ACO2: variants seen among roughly 807,000 people sequenced by gnomAD.
The protein encoded by ACO2 is aconitate hydratase, mitochondrial.
A neutral mutation model predicts 84.5 loss-of-function variants in ACO2; 31 were observed. The ratio of observed to expected loss-of-function variants is 0.37; its 90% CI spans 0.28 to 0.50. ACO2 has a LOEUF of 0.50. ACO2 is among the 20% of genes least tolerant of loss of function. The pLI is 0.97. For missense variants in ACO2, 685 were observed against 1,029.3 expected, an observed-to-expected ratio of 0.67 and a Z score of 4.58; for synonymous variants, 414 against 412.7, an observed-to-expected ratio of 1.00 and a Z score of -0.04.
intron 1 of ACO2, among the ~76,000 whole-genome samples, chr22:41,492,568 G>C (rs1270901159): frequency 6.6e-6 from 1 of 152,284 alleles, no homozygotes; most frequent in South Asian, 2.1e-4. Context: ...GAGTTTGGGA[G>C]TTAAAGACCA....
At position 41,523,213 on chromosome 22, in the gene ACO2, C is replaced by A. The variant is rs745392648; in HGVS notation, c.1305C>A (p.Ile435=). The A allele has an allele frequency of 1.4e-5, 23 of 1,612,898 alleles. No individual in the cohort carries two copies. The highest frequency in any genetic ancestry group is 2.0e-5 in the Non-Finnish European group (23 of 1,179,286). The change falls in exon 11 of 18, where the codon ATC becomes ATA. Residue 435 remains isoleucine, a synonymous_variant. Coordinates refer to ENST00000216254, the MANE Select transcript of ACO2 (RefSeq NM_001098.3). ...ATIERDGYAQ[I]LRDLGGIVLA... is the part of the protein sequence containing the mutation. ...TCCTCTCTCCCTGGCAGGCACAGAT[C>A]TTGAGGGATCTGGGTGGCATTGTCC... is the stretch of plus-strand genomic sequence containing the variant.
intron 1 of ACO2, among the ~76,000 whole-genome samples, chr22:41,474,626 TCTCA>T (rs2037988589): frequency 1.2e-5 from 1 of 84,574 alleles, no homozygotes; most frequent in East Asian, 3.8e-4. Context: ...TGAGACGGAG[TCTCA>T]CTCTGTCACC....
In ACO2 at chr22:41,494,411, C is replaced by CTT. The variant is rs879644372; in HGVS notation, c.37-5299_37-5298dup. ...TTTACCCATAAGTTGTATTCTGTAT[C>CTT]TTTTTTTTTTTTTTTTTGAGTCAGA... On this transcript the variant is annotated intron_variant, in intron 1 of 17. Coordinates refer to ENST00000216254, the MANE Select transcript of ACO2 (RefSeq NM_001098.3). Among the ~76,000 whole-genome samples the CTT allele has an allele frequency of 1.6e-3, 222 of 139,088 alleles. 1 individual carries two copies. The highest frequency in any genetic ancestry group is 3.7e-3 in the Middle Eastern group (1 of 268). 91.2% of individuals were successfully genotyped at this position (139,088 alleles called of 152,430 possible).
At chr22:41,483,655 T>C (rs2038116151) in intron 1 of ACO2, among the ~76,000 whole-genome samples, 1 of 150,202 alleles carries the variant, frequency 6.7e-6, no homozygotes, top group Non-Finnish European at 1.5e-5. Context: ...AGACTCCGTC[T>C]TAAAAAAAAA....
chr22:41,505,924 G>A (rs1338080822), intron 2 of ACO2, among the ~76,000 whole-genome samples: 1 of 152,152 alleles, frequency 6.6e-6, no homozygotes, highest in Non-Finnish European at 1.5e-5. Flanking sequence ...TCTGTTTAAA[G>A]CTGTTTAAAA....
Position 41,528,627 on chromosome 22 carries a change from C to G in ACO2, c.*14C>G. ...CTGCAACAGTGAGGGCAGTGCCTCC[C>G]CGCCCCGCCGCTGGCGTCAAGTTCA... On this transcript the variant is annotated 3_prime_UTR_variant, in exon 18 of 18. Coordinates refer to ENST00000216254, the MANE Select transcript of ACO2 (RefSeq NM_001098.3). 2 of 1,552,470 alleles carry G rather than the reference C, an allele frequency of 1.3e-6. No homozygotes were observed. The highest frequency in any genetic ancestry group is 1.7e-6 in the Non-Finnish European group (2 of 1,152,728).
At chr22:41,512,070 ACTGGATGACATATCCATCAG>A (rs2066437542) in intron 4 of ACO2, 102 bp downstream of exon 4, 2 of 772,710 alleles carry the variant, frequency 2.6e-6, no homozygotes, top group Non-Finnish European at 4.0e-6. Context: ...GCTGAGGGGA[ACTGGATGACATATCCATCAG>A]CTCTTATGCT....
At chr22:41,488,327 C>T (rs2066246809) in intron 1 of ACO2, among the ~76,000 whole-genome samples, 1 of 152,168 alleles carries the variant, frequency 6.6e-6, no homozygotes, top group Non-Finnish European at 1.5e-5. Context: ...GCTGAGCCTG[C>T]CGGTTGCCTC....
chr22:41,502,408 C>T (rs779578953), intron 2 of ACO2, among the ~76,000 whole-genome samples: 14 of 152,168 alleles, frequency 9.2e-5, no homozygotes, highest in African/African-American at 2.4e-4. Flanking sequence ...AGCACTGGCC[C>T]GTTCCCCAGC....
intron 1 of ACO2, among the ~76,000 whole-genome samples, chr22:41,471,852 G>C (rs2146073361): frequency 6.6e-6 from 1 of 152,292 alleles, no homozygotes; most frequent in South Asian, 2.1e-4. Flanking sequence ...ATGGTTGAGA[G>C]CATGGACTCT....
At chr22:41,500,167 C>T (rs1487499556) in intron 2 of ACO2, among the ~76,000 whole-genome samples, 1 of 152,122 alleles carries the variant, frequency 6.6e-6, no homozygotes, top group Non-Finnish European at 1.5e-5. Context: ...TGCTGACCCT[C>T]GGCCTGCCCT....
At chr22:41,491,745 C>G (rs909758238) in intron 1 of ACO2, among the ~76,000 whole-genome samples, 2 of 152,166 alleles carry the variant, frequency 1.3e-5, no homozygotes, top group Non-Finnish European at 1.5e-5. Flanking sequence ...ATGCCAAGCA[C>G]TTTATGTAGA....
chr22:41,473,253 C>T (rs2037967361), intron 1 of ACO2, among the ~76,000 whole-genome samples: 1 of 152,134 alleles, frequency 6.6e-6, no homozygotes, highest in Non-Finnish European at 1.5e-5. Context: ...GCCTGTAATT[C>T]CAGCACATTG....
At chr22:41,477,707 C>T (rs1453628216) in intron 1 of ACO2, among the ~76,000 whole-genome samples, 1 of 152,136 alleles carries the variant, frequency 6.6e-6, no homozygotes, top group Non-Finnish European at 1.5e-5. Flanking sequence ...TTTCTGTCTC[C>T]AGCCCCTGCA....
intron 1 of ACO2, among the ~76,000 whole-genome samples, chr22:41,477,017 C>A (rs937185511): frequency 6.6e-6 from 1 of 151,304 alleles, no homozygotes; most frequent in African/African-American, 2.4e-5. Context: ...GGCATGGTGG[C>A]GTGTACCTGT....
Position 41,526,285 on chromosome 22 carries a change from C to T in ACO2, c.1785C>T (p.Asp595=). Residue 595 remains aspartate, a synonymous_variant, in exon 15 of 18, where the codon GAC becomes GAT. Coordinates refer to ENST00000216254, the MANE Select transcript of ACO2 (RefSeq NM_001098.3). ...AGGTCAAAGGGAAGTGTACCACTGACCACATCTCAGCTGCTGGCCCCTGGC... is the reference window on the plus strand; with the variant it reads ...AGGTCAAAGGGAAGTGTACCACTGATCACATCTCAGCTGCTGGCCCCTGGC... ...LIKVKGKCTT[D]HISAAGPWLK... 3 of 1,612,364 alleles carry T rather than the reference C, an allele frequency of 1.9e-6. No individual in the cohort carries two copies. The highest frequency in any genetic ancestry group is 2.5e-6 in the Non-Finnish European group (3 of 1,179,990).
intron 16 of ACO2, 85 bp from the exon 17 acceptor site, chr22:41,527,816 T>C: frequency 6.3e-7 from 1 of 1,598,598 alleles, no homozygotes; most frequent in Non-Finnish European, 8.5e-7. Context: ...ATTAGGGGCA[T>C]CTCCCAGAGC....
chr22:41,525,461 G>A (rs1197203999), intron 14 of ACO2, 113 bp downstream of exon 14: 1 of 1,330,482 alleles, frequency 7.5e-7, no homozygotes, highest in African/African-American at 1.5e-5. Flanking sequence ...GACGCAGGTG[G>A]GAGATGGAAG....
intron 1 of ACO2, among the ~76,000 whole-genome samples, chr22:41,488,358 T>C (rs2066247049): frequency 6.6e-6 from 1 of 152,208 alleles, no homozygotes; most frequent in African/African-American, 2.4e-5. Context: ...TTTAGTCTGC[T>C]TACTGCTCTG....
Sources: allele counts gnomAD v4.1 joint callset (sites outside exome capture counted in the v4.1 genomes callset), GRCh38; gene constraint gnomAD v4.1.1; transcripts MANE v1.5; gene names NCBI Gene and HGNC (gene_info 2026-07-23, HGNC 2026-07-21).